Variants in TNFRSF21 observed in about 807,000 individuals in gnomAD.
The protein encoded by TNFRSF21 is tumor necrosis factor receptor superfamily member 21.
In TNFRSF21, 19 loss-of-function variants were observed where a neutral mutation model predicts 45.6. That is an observed-to-expected ratio of 0.42 (90% confidence interval 0.29 to 0.61). The LOEUF (loss-of-function observed/expected upper bound fraction) is 0.61. Among genes scored for constraint, TNFRSF21 ranks in the 20% least tolerant of loss-of-function variants. The pLI is 0.23. For missense variants in TNFRSF21, 737 were observed against 851.5 expected, an observed-to-expected ratio of 0.87 and a Z score of 1.67; for synonymous variants, 314 against 335.5, an observed-to-expected ratio of 0.94 and a Z score of 0.70.
At chr6:47,274,913 G>A (rs191499183) in intron 3 of TNFRSF21, among the ~76,000 whole-genome samples, 22 of 152,318 alleles carry the variant, frequency 1.4e-4, no homozygotes, top group African/African-American at 5.3e-4. Flanking sequence ...GGTCATCAGA[G>A]AAATGCAAAT....
chr6:47,276,414 A>G (rs1762498759), intron 3 of TNFRSF21, among the ~76,000 whole-genome samples: 1 of 152,226 alleles, frequency 6.6e-6, no homozygotes, highest in South Asian at 2.1e-4. Context: ...GCTAGAGGAA[A>G]AACTGAGCTC....
chr6:47,301,255 G>A lies in TNFRSF21; in HGVS notation c.96+8161C>T, dbSNP rs141741398. Among the ~76,000 whole-genome samples, 65 of 152,312 alleles carry A rather than the reference G, an allele frequency of 4.3e-4. 1 individual carries two copies. The highest frequency in any genetic ancestry group is 6.8e-3 in the Middle Eastern group (2 of 294). On this transcript the variant is annotated intron_variant, in intron 1 of 5. Transcript: ENST00000296861. ...CTCATTAATCATTTATTCCTTAACT[G>A]TTATGTGTCAGGACATTGAGCCAGA...
intron 3 of TNFRSF21, 110 bp downstream of exon 3, chr6:47,283,828 T>A (rs1762605787): frequency 7.2e-7 from 1 of 1,391,840 alleles, no homozygotes; most frequent in African/African-American, 1.4e-5. Context: ...TAGTGTTTGG[T>A]CTACAAAGGA....
rs747419948 is a variant in TNFRSF21 at position 47,285,992 on chromosome 6, C to T, written c.700G>A (p.Glu234Lys). 1 of 1,614,136 alleles carries T rather than the reference C, an allele frequency of 6.2e-7. No homozygotes were observed. Among genetic ancestry groups the T allele is most frequent in the East Asian group, 2.2e-5 (1 of 44,878 alleles). ...GGGACTTCATGGGTTTCCATGTGCTCAGGGCGTGGAAAGATGGCTGTGCCA... is the reference window on the plus strand; with the variant it reads ...GGGACTTCATGGGTTTCCATGTGCTTAGGGCGTGGAAAGATGGCTGTGCCA... Reference protein sequence around the residue: ...SPGTAIFPRPEHMETHEVPSS... With the variant: ...SPGTAIFPRPKHMETHEVPSS... Residue 234 changes from glutamate (E) to lysine (K), a missense_variant, in exon 2 of 6, where the codon GAG becomes AAG. Transcript: ENST00000296861.
chr6:47,275,507 G>A (rs1268597542), intron 3 of TNFRSF21, among the ~76,000 whole-genome samples: 1 of 152,212 alleles, frequency 6.6e-6, no homozygotes, highest in Non-Finnish European at 1.5e-5. Context: ...CCTGTTGGGG[G>A]GTGGCGGACT....
chr6:47,279,374 T>C (rs1762537237), intron 3 of TNFRSF21, among the ~76,000 whole-genome samples: 1 of 152,200 alleles, frequency 6.6e-6, no homozygotes, highest in Non-Finnish European at 1.5e-5. Context: ...CTACCCTGTT[T>C]TTCAATTGGG....
At chr6:47,303,685 G>A (rs923199730) in intron 1 of TNFRSF21, among the ~76,000 whole-genome samples, 1 of 152,170 alleles carries the variant, frequency 6.6e-6, no homozygotes, top group Non-Finnish European at 1.5e-5. Context: ...TTCCTCCTGG[G>A]TTATAACCTC....
In TNFRSF21 at chr6:47,232,624, A is replaced by AACACACACACACACACACACAC. The variant is rs34093099; in HGVS notation, c.*119_*140dup. The stretch of plus-strand genomic sequence containing the variant: ...CAAGCACTGGCCATATTCTCTGTTA[A>AACACACACACACACACACACAC]ACACACACACACACACACACACACA... On this transcript the variant is annotated 3_prime_UTR_variant, in exon 6 of 6. Coordinates refer to ENST00000296861, the MANE Select transcript of TNFRSF21 (RefSeq NM_014452.5). The AACACACACACACACACACACAC allele has an allele frequency of 3.9e-5, 22 of 563,290 alleles. No individual in the cohort carries two copies. Among genetic ancestry groups the AACACACACACACACACACACAC allele is most frequent in the South Asian group, 1.2e-4 (5 of 43,244 alleles). 34.9% of individuals were successfully genotyped at this position (563,290 alleles called of 1,614,324 possible).
chr6:47,262,095 A>G (rs985989694), intron 3 of TNFRSF21, among the ~76,000 whole-genome samples: 1 of 152,220 alleles, frequency 6.6e-6, no homozygotes, highest in Non-Finnish European at 1.5e-5. Flanking sequence ...GGTTTAATAG[A>G]CAATAACCGT....
intron 3 of TNFRSF21, among the ~76,000 whole-genome samples, chr6:47,282,384 C>CAAAAAA (rs1419235376): frequency 4.6e-5 from 4 of 86,752 alleles, no homozygotes; most frequent in African/African-American, 4.5e-5. Context: ...AATTCTGTCT[C>CAAAAAA]AAAAAAAAAA....
intron 3 of TNFRSF21, among the ~76,000 whole-genome samples, chr6:47,256,008 T>C (rs1394490790): frequency 1.3e-5 from 2 of 152,146 alleles, no homozygotes; most frequent in Non-Finnish European, 2.9e-5. Context: ...CAGGAAAATA[T>C]TTATAAAATG....
At chr6:47,252,794 G>A (rs905646716) in intron 4 of TNFRSF21, among the ~76,000 whole-genome samples, 2 of 152,162 alleles carry the variant, frequency 1.3e-5, no homozygotes, top group Non-Finnish European at 2.9e-5. Flanking sequence ...ATCAACTGCC[G>A]CTAGCACCAC....
At chr6:47,263,952 T>A (rs565119360) in intron 3 of TNFRSF21, among the ~76,000 whole-genome samples, 16 of 152,318 alleles carry the variant, frequency 1.1e-4, no homozygotes, top group African/African-American at 3.6e-4. Context: ...TGACACAACA[T>A]CAATAAGCCT....
intron 3 of TNFRSF21, among the ~76,000 whole-genome samples, chr6:47,253,915 T>C (rs1582324238): frequency 6.6e-6 from 1 of 152,248 alleles, no homozygotes; most frequent in South Asian, 2.1e-4. Context: ...CCATGGATGG[T>C]ACAGAGCCCT....
At chr6:47,273,433 C>T (rs1762455039) in intron 3 of TNFRSF21, among the ~76,000 whole-genome samples, 1 of 152,148 alleles carries the variant, frequency 6.6e-6, no homozygotes, top group Non-Finnish European at 1.5e-5. Context: ...TCAATAGATG[C>T]AGAAAAGGCC....
At chr6:47,272,145 C>T (rs1762431365) in intron 3 of TNFRSF21, among the ~76,000 whole-genome samples, 1 of 152,156 alleles carries the variant, frequency 6.6e-6, no homozygotes, top group Non-Finnish European at 1.5e-5. Context: ...GACTTGAACT[C>T]AGCTCTACAA....
At chr6:47,276,415 A>C (rs1156684459) in intron 3 of TNFRSF21, among the ~76,000 whole-genome samples, 1 of 152,182 alleles carries the variant, frequency 6.6e-6, no homozygotes, top group Non-Finnish European at 1.5e-5. Flanking sequence ...CTAGAGGAAA[A>C]ACTGAGCTCG....
intron 3 of TNFRSF21, among the ~76,000 whole-genome samples, chr6:47,255,922 G>T (rs1764980889): frequency 6.6e-6 from 1 of 151,556 alleles, no homozygotes; most frequent in African/African-American, 2.4e-5. Flanking sequence ...AATAAAGAGG[G>T]GTTTACTGTT....
chr6:47,304,040 C>A (rs541619422), intron 1 of TNFRSF21, among the ~76,000 whole-genome samples: 2 of 152,322 alleles, frequency 1.3e-5, no homozygotes, highest in East Asian at 1.9e-4. Context: ...CAAGTGATCA[C>A]TGGACACATG....
Sources: gnomAD v4.1 joint callset for allele counts (sites outside exome capture counted in the v4.1 genomes callset) on GRCh38, gnomAD v4.1.1 for gene constraint, MANE v1.5 for transcripts, NCBI Gene and HGNC (gene_info 2026-07-23, HGNC 2026-07-21) for gene names.